The following XPO5 variants were observed in gnomAD, a reference collection of about 807,000 sequenced individuals.
XPO5 encodes the protein exportin-5.
XPO5 carries 46 observed loss-of-function variants against 160.6 expected under a neutral mutation model. The observed-to-expected ratio is 0.29, with a 90% CI of 0.23 to 0.37. The LOEUF is 0.37. Ranked by LOEUF, XPO5 falls within the 10% of genes least tolerant of loss-of-function variation. The pLI is 1.00. For synonymous variants in XPO5, 537 were observed against 519.3 expected (o/e 1.03, Z -0.46); for missense variants, 1,090 against 1,463.9 (o/e 0.74, Z 4.17).
intron 1 of XPO5, among the ~76,000 whole-genome samples, chr6:43,574,312 C>T (rs1365879803): frequency 6.6e-6 from 1 of 151,966 alleles, no homozygotes; most frequent in Non-Finnish European, 1.5e-5. Flanking sequence ...CAAAAAGAAA[C>T]TCCAACCTAA....
intron 18 of XPO5, 105 bp downstream of exon 18, chr6:43,548,156 C>T: frequency 9.1e-7 from 1 of 1,093,298 alleles, no homozygotes; most frequent in Non-Finnish European, 1.3e-6. Context: ...TGGATAATGC[C>T]ATCACACTTC....
chr6:43,573,296 G>A (rs1405500387), intron 2 of XPO5, 184 bp downstream of exon 2: 1 of 753,700 alleles, frequency 1.3e-6, no homozygotes, highest in Non-Finnish European at 2.0e-6. Flanking sequence ...TGAAGAAACT[G>A]AAGAAAAGAA....
rs1793367373 is a variant in XPO5, at chr6:43,523,974, A to G, written c.3509T>C (p.Val1170Ala). The change falls in exon 32 of 32, where the codon GTT (valine) becomes GCT (alanine). Residue 1170 changes from valine to alanine, a missense_variant. Transcript: ENST00000265351. ...AAGTGAGGGAAGATTCTTAATGTGA[A>G]CTTCTTTTCGGAACTGCTCTCCCAA... The part of the protein sequence containing the change: ...KPLGEQFRKE[V>A]HIKNLPSLFK... 3 of 1,613,800 alleles carry G rather than the reference A, an allele frequency of 1.9e-6. No homozygotes were observed. The highest frequency in any genetic ancestry group is 1.3e-5 in the African/African-American group (1 of 75,046).
At chr6:43,560,030 G>T in intron 11 of XPO5, 148 bp downstream of exon 11, 2 of 952,402 alleles carry the variant, frequency 2.1e-6, no homozygotes, top group Non-Finnish European at 3.0e-6. Flanking sequence ...TGTCGCACAG[G>T]CTGGTCTCCA....
intron 25 of XPO5, among the ~76,000 whole-genome samples, 162 bp downstream of exon 25, chr6:43,527,997 G>A (rs1236954807): frequency 6.6e-6 from 1 of 152,150 alleles, no homozygotes; most frequent in African/African-American, 2.4e-5. Context: ...CTGCCTGCTG[G>A]TAACAGCCTG....
chr6:43,527,549 A>T, intron 26 of XPO5, 85 bp downstream of exon 26: 1 of 1,350,430 alleles, frequency 7.4e-7, no homozygotes, highest in Non-Finnish European at 1.1e-6. Flanking sequence ...CCTTTGCATT[A>T]GTCAGGCCTT....
chr6:43,522,564 A>G lies in XPO5; in HGVS notation c.*1304T>C, dbSNP rs1220417524. The G allele has an allele frequency of 3.6e-6, 1 of 278,436 alleles. No homozygotes were observed. Among genetic ancestry groups the G allele is most frequent in the East Asian group, 1.1e-4 (1 of 9,396 alleles). 17.2% of individuals were successfully genotyped at this position (278,436 alleles called of 1,614,324 possible). On this transcript the variant is annotated 3_prime_UTR_variant, in exon 32 of 32. Coordinates refer to ENST00000265351, the MANE Select transcript of XPO5 (RefSeq NM_020750.3). ...TTGAGATCGCCTTCACGATCCACAGAAACCCAGAGCACCACACAGGAAGAG... is the reference window on the plus strand; with the variant it reads ...TTGAGATCGCCTTCACGATCCACAGGAACCCAGAGCACCACACAGGAAGAG...
intron 12 of XPO5, among the ~76,000 whole-genome samples, chr6:43,557,700 CTG>C (rs1211678275): frequency 6.9e-6 from 1 of 144,096 alleles, no homozygotes; most frequent in Non-Finnish European, 1.5e-5. Context: ...CTGCACAACT[CTG>C]TAAAAATACT....
chr6:43,547,815 TA>T, intron 18 of XPO5, 108 bp from the exon 19 acceptor site: 3 of 861,678 alleles, frequency 3.5e-6, no homozygotes, highest in Non-Finnish European at 3.7e-6. Context: ...GAGCAGTTTT[TA>T]TAGTGAGAGG....
chr6:43,558,758 T>C (rs1762249008), intron 11 of XPO5, among the ~76,000 whole-genome samples, 167 bp from the exon 12 acceptor site: 1 of 152,206 alleles, frequency 6.6e-6, no homozygotes, highest in Non-Finnish European at 1.5e-5. Context: ...CACAGTTTGC[T>C]CCCAGTTCCA....
chr6:43,564,136 G>C (rs1762563521), intron 8 of XPO5, among the ~76,000 whole-genome samples: 1 of 152,114 alleles, frequency 6.6e-6, no homozygotes, highest in Admixed American at 6.5e-5. Context: ...TGGCCAGGCT[G>C]GTCTTGAACT....
At position 43,525,263 on chromosome 6, in the gene XPO5, T is replaced by C. The variant is rs773493568; in HGVS notation, c.3067-49A>G. 4 of 1,521,202 alleles carry C rather than the reference T, an allele frequency of 2.6e-6. No individual in the cohort carries two copies. In the South Asian group the frequency reaches 3.6e-5, roughly 14 times the overall value. The allele number at this position is 1,521,202 out of a possible 1,614,324, so 94.2% of individuals were successfully genotyped here. A position where few individuals can be genotyped will look rare whatever the true frequency, so the allele number is the denominator to read the frequency against. ...TACAATGGAAAAAGAAGCACAGTTT[T>C]CTCTGATGATTATTACACATCAGGA... is the stretch of plus-strand genomic sequence containing the variant. On this transcript the variant is annotated intron_variant, in intron 28 of 31. Transcript: ENST00000265351.
intron 20 of XPO5, among the ~76,000 whole-genome samples, chr6:43,538,199 G>T (rs1391824426): frequency 1.5e-5 from 2 of 129,212 alleles, no homozygotes; most frequent in East Asian, 4.7e-4. Flanking sequence ...GCTCAGGCTG[G>T]AGTACAATGG....
chr6:43,547,788 CA>C (rs1795032851), intron 18 of XPO5, 81 bp from the exon 19 acceptor site: 4 of 1,254,702 alleles, frequency 3.2e-6, no homozygotes, highest in Non-Finnish European at 4.6e-6. Flanking sequence ...AACAGGCTAT[CA>C]TTATTTGGCC....
At chr6:43,532,240 G>C (rs1794032960) in intron 21 of XPO5, among the ~76,000 whole-genome samples, 1 of 151,656 alleles carries the variant, frequency 6.6e-6, no homozygotes, top group African/African-American at 2.4e-5. Context: ...CCCTTAAATG[G>C]AATGGTGTCA....
At chr6:43,536,417 C>CA (rs34540299) in intron 20 of XPO5, among the ~76,000 whole-genome samples, 35,072 of 137,310 alleles carry the variant, frequency 0.26, 5,179 homozygotes, top group Non-Finnish European at 0.34. Context: ...TCCAACTCGA[C>CA]AAAAAAAAAA....
intron 1 of XPO5, among the ~76,000 whole-genome samples, chr6:43,575,492 G>T (rs1763264324): frequency 1.3e-5 from 2 of 152,234 alleles, no homozygotes; most frequent in Non-Finnish European, 2.9e-5. Flanking sequence ...AGCGAGGAAA[G>T]GGGGAGGAGA....
At chr6:43,565,839 T>A in intron 7 of XPO5, 103 bp from the exon 8 acceptor site, 1 of 895,958 alleles carries the variant, frequency 1.1e-6, no homozygotes, top group East Asian at 2.9e-5. Context: ...TAATTTCTTA[T>A]ATACCCCAGG....
intron 3 of XPO5, 108 bp downstream of exon 3, chr6:43,572,398 G>T: frequency 9.3e-7 from 1 of 1,076,012 alleles, no homozygotes; most frequent in Non-Finnish European, 1.4e-6. Flanking sequence ...TTCTTGTGCT[G>T]TCTGACCTAT....
Sources: allele counts gnomAD v4.1 joint callset (sites outside exome capture counted in the v4.1 genomes callset), GRCh38; gene constraint gnomAD v4.1.1; transcripts MANE v1.5; gene names NCBI Gene and HGNC (gene_info 2026-07-23, HGNC 2026-07-21).